Variants in COL26A1 observed in about 807,000 individuals in gnomAD.
COL26A1 encodes collagen alpha-1(XXVI) chain.
In COL26A1, 41 loss-of-function variants were observed where a neutral mutation model predicts 59.3. The observed-to-expected ratio is 0.69, with a 90% CI of 0.54 to 0.90. The LOEUF (loss-of-function observed/expected upper bound fraction) is 0.90, where lower values mean the gene tolerates loss of function less well. COL26A1 is among the 40% of genes least tolerant of loss of function. The probability of loss-of-function intolerance (pLI) is 0.00; values close to 1 mark genes in which losing one functional copy is unlikely to be tolerated. For synonymous variants in COL26A1, 266 were observed against 256.0 expected (o/e 1.04, Z -0.37); for missense variants, 612 against 602.3 (o/e 1.02, Z -0.17).
chr7:101,458,651 C>CAA (rs34462051), intron 3 of COL26A1, among the ~76,000 whole-genome samples: 41,775 of 147,832 alleles, frequency 0.28, 6,089 homozygotes, highest in Middle Eastern at 0.34. Flanking sequence ...ACTCTGTCTC[C>CAA]AAAAAAAAAA....
At chr7:101,487,886 C>T (rs180841812) in intron 3 of COL26A1, among the ~76,000 whole-genome samples, 23 of 152,270 alleles carry the variant, frequency 1.5e-4, no homozygotes, top group South Asian at 6.2e-4. Context: ...ATCACAGTAT[C>T]GTTTTTTATT....
chr7:101,363,221 G>A (rs1438025142), intron 1 of COL26A1, 31 bp downstream of exon 1: 5 of 1,283,308 alleles, frequency 3.9e-6, no homozygotes, highest in South Asian at 3.0e-5. Context: ...GGGCCGGGGG[G>A]TGGGGGGAGG....
At chr7:101,553,629 G>C (rs3800981) in intron 11 of COL26A1, among the ~76,000 whole-genome samples, 2 of 152,106 alleles carry the variant, frequency 1.3e-5, no homozygotes, top group African/African-American at 2.4e-5. Context: ...TGGCCCTTGG[G>C]GGGGCTTCCC....
intron 3 of COL26A1, among the ~76,000 whole-genome samples, chr7:101,483,990 AGTGTGTGTGTGTGTGTGTGTGTGTGTGT>A (rs55863250): frequency 5.8e-4 from 74 of 128,004 alleles, no homozygotes; most frequent in Non-Finnish European, 9.0e-4. Context: ...AACTTTTTAA[AGTGTGTGTGTGTGTGTGTGTGTGTGTGT>A]GTGTGTGTGT....
At position 101,384,319 on chromosome 7, in the gene COL26A1, C is replaced by G. The variant is rs184446385; in HGVS notation, c.158+21129C>G. 2.0e-5 allele frequency among the ~76,000 whole-genome samples: 3 copies of G among 150,410 alleles called. No individual in the cohort carries two copies. In the East Asian group the frequency reaches 6.0e-4, roughly 30 times the overall value. On this transcript the variant is annotated intron_variant, in intron 1 of 12. Coordinates refer to ENST00000313669, the MANE Select transcript of COL26A1 (RefSeq NM_001278563.3). The stretch of plus-strand genomic sequence containing the variant: ...TAGCGTCATCTCGGCTTACTGCAAC[C>G]TCCGCCTCCGGGGTTCAAACCATTC...
intron 3 of COL26A1, among the ~76,000 whole-genome samples, chr7:101,526,047 T>C (rs1161986891): frequency 6.6e-6 from 1 of 151,870 alleles, no homozygotes; most frequent in Non-Finnish European, 1.5e-5. Flanking sequence ...TCTTTTCTTT[T>C]CCTTTTTCTT....
intron 3 of COL26A1, among the ~76,000 whole-genome samples, chr7:101,496,042 C>T (rs1794578553): frequency 6.6e-6 from 1 of 152,024 alleles, no homozygotes; most frequent in Non-Finnish European, 1.5e-5. Context: ...GATTACAACA[C>T]TGCACTCCAG....
At chr7:101,401,643 AGGAGGAGGT>A (rs1168407202) in intron 1 of COL26A1, among the ~76,000 whole-genome samples, 24 of 114,910 alleles carry the variant, frequency 2.1e-4, no homozygotes, top group Non-Finnish European at 5.0e-4. Context: ...GAAGAGGGAG[AGGAGGAGGT>A]GGAGGAGGAA....
intron 3 of COL26A1, among the ~76,000 whole-genome samples, chr7:101,489,250 C>T (rs553358094): frequency 5.1e-4 from 78 of 152,260 alleles, no homozygotes; most frequent in Middle Eastern, 3.4e-3. Context: ...GGTTTAACCC[C>T]TGAGATTCCT....
intron 3 of COL26A1, among the ~76,000 whole-genome samples, chr7:101,527,468 C>T (rs1458060180): frequency 1.3e-5 from 2 of 151,886 alleles, no homozygotes; most frequent in African/African-American, 4.8e-5. Context: ...GCTTGGATTA[C>T]AGGCACGCAC....
At chr7:101,410,161 T>C (rs1792211781) in intron 1 of COL26A1, among the ~76,000 whole-genome samples, 1 of 152,070 alleles carries the variant, frequency 6.6e-6, no homozygotes, top group Non-Finnish European at 1.5e-5. Context: ...AAACTATCTT[T>C]GTGCACCAAG....
At chr7:101,477,482 C>G (rs988595920) in intron 3 of COL26A1, among the ~76,000 whole-genome samples, 1 of 152,204 alleles carries the variant, frequency 6.6e-6, no homozygotes, top group East Asian at 1.9e-4. Context: ...AATTTGTCTA[C>G]TCTTGTATCT....
intron 11 of COL26A1, among the ~76,000 whole-genome samples, chr7:101,554,888 T>C (rs1795934359): frequency 6.6e-6 from 1 of 152,090 alleles, no homozygotes. Flanking sequence ...TCCCAGACCC[T>C]GTAATTGGCT....
chr7:101,434,410 C>T (rs116264795), intron 2 of COL26A1, among the ~76,000 whole-genome samples: 2,614 of 151,820 alleles, frequency 0.017, 69 homozygotes, highest in African/African-American at 0.06. Context: ...CACGCCACCA[C>T]GCTTGGTTAA....
At chr7:101,508,264 A>G (rs570106736) in intron 3 of COL26A1, among the ~76,000 whole-genome samples, 48 of 152,300 alleles carry the variant, frequency 3.2e-4, no homozygotes, top group African/African-American at 1.2e-3. Context: ...GCCCATGCCT[A>G]TAATCCGAAC....
intron 2 of COL26A1, among the ~76,000 whole-genome samples, chr7:101,432,238 A>C (rs573646910): frequency 1.3e-5 from 2 of 152,234 alleles, no homozygotes; most frequent in Non-Finnish European, 2.9e-5. Flanking sequence ...CTGGGATTAC[A>C]GGCATGAGCC....
chr7:101,452,774 T>A (rs1793374873), intron 3 of COL26A1, among the ~76,000 whole-genome samples: 1 of 147,324 alleles, frequency 6.8e-6, no homozygotes, highest in African/African-American at 2.5e-5. Flanking sequence ...TATTTATTAA[T>A]TTTTTTTTTT....
intron 2 of COL26A1, among the ~76,000 whole-genome samples, chr7:101,436,327 C>T (rs995730473): frequency 1.3e-5 from 2 of 152,170 alleles, no homozygotes; most frequent in Non-Finnish European, 2.9e-5. Context: ...TTAATAATCC[C>T]CTGCCTCCCG....
rs117729666 is a variant in COL26A1 at position 101,436,107 on chromosome 7, C to T, written c.282-11577C>T. Among the ~76,000 whole-genome samples, 176 of 152,306 alleles carry T rather than the reference C, an allele frequency of 1.2e-3. 2 individuals are homozygous for T. In the East Asian group the frequency reaches 0.03, roughly 26 times the overall value. ...GGGCCTGTCTGGGCTGCATCCACTGCACCACCCCGCACCGCCCCCAGGTGG... is the reference window on the plus strand; with the variant it reads ...GGGCCTGTCTGGGCTGCATCCACTGTACCACCCCGCACCGCCCCCAGGTGG... On this transcript the variant is annotated intron_variant, in intron 2 of 12. Coordinates refer to ENST00000313669, the MANE Select transcript of COL26A1 (RefSeq NM_001278563.3).
Sources: gnomAD v4.1 joint callset for allele counts (sites outside exome capture counted in the v4.1 genomes callset) on GRCh38, gnomAD v4.1.1 for gene constraint, MANE v1.5 for transcripts, NCBI Gene and HGNC (gene_info 2026-07-23, HGNC 2026-07-21) for gene names.